Variants in GPN2 observed in about 807,000 individuals in gnomAD.
GPN2 encodes GPN-loop GTPase 2, also known as ATP-binding domain 1 family member B.
In GPN2, 27 loss-of-function variants were observed where a neutral mutation model predicts 30.1. The ratio of observed to expected loss-of-function variants is 0.90; its 90% confidence interval spans 0.66 to 1.24. The LOEUF is 1.24. GPN2 is among the 50% of genes most tolerant of loss of function. GPN2 has a pLI of 0.00. For missense variants in GPN2, 406 were observed against 405.4 expected (o/e 1.00, Z -0.01); for synonymous variants, 212 against 174.4 (o/e 1.22, Z -1.70).
At chr1:26,880,177 T>C (rs2081857326) in intron 4 of GPN2, among the ~76,000 whole-genome samples, 1 of 152,204 alleles carries the variant, frequency 6.6e-6, no homozygotes, top group African/African-American at 2.4e-5. Context: ...AAACCAAGGT[T>C]TGAACTGTTC....
In GPN2 at chr1:26,878,507, C is replaced by G. The variant is rs1333801541; in HGVS notation, c.*1170G>C. On this transcript the variant is annotated 3_prime_UTR_variant, in exon 5 of 5. Transcript: ENST00000374135. ...TGTTGGCCAGGCTGGTCTCGAACTC[C>G]TGACCTCAGGTGATCCGCCCGCCTC... 6.7e-6 allele frequency: 1 copy of G among 149,486 alleles called. No homozygotes were observed. The allele number at this position is 149,486 out of a possible 1,614,324, so 9.3% of individuals were successfully genotyped here.
At position 26,888,953 on chromosome 1, in the gene GPN2, G is replaced by A. The variant is rs756265016; in HGVS notation, c.568+16C>T. ...CAGCTGCTGCCCTGCTCTTCGCCTG[G>A]AACAGAAGCTCTTACCCAGCTTCCC... On this transcript the variant is annotated intron_variant, in intron 2 of 4. Coordinates refer to ENST00000374135, the MANE Select transcript of GPN2 (RefSeq NM_018066.4). 6.2e-7 allele frequency: 1 copy of A among 1,613,630 alleles called. No individual in the cohort carries two copies. Among genetic ancestry groups the A allele is most frequent in the Admixed American group, 1.7e-5 (1 of 60,026 alleles).
chr1:26,889,831 T>C lies in GPN2; in HGVS notation c.266A>G (p.Glu89Gly), dbSNP rs1026449805. 6.2e-7 allele frequency: 1 copy of C among 1,613,712 alleles called. No individual in the cohort carries two copies. Among genetic ancestry groups the C allele is most frequent in the Non-Finnish European group, 8.5e-7 (1 of 1,179,994 alleles). ...GGCACGCAGCCAGTCCAGGTTGGCT[T>C]CCAGGTACTCCATGCAGTAGAGCAG... ...GGLLYCMEYL[E>G]ANLDWLRAKL... The change falls in exon 1 of 5, where the codon GAA becomes GGA. Residue 89 changes from glutamate (E) to glycine (G), a missense_variant. Glu to Gly is a moderately conservative substitution (Grantham distance 98). Transcript: ENST00000374135.
intron 3 of GPN2, 75 bp from the exon 4 acceptor site, chr1:26,884,365 C>T: frequency 6.8e-7 from 1 of 1,465,098 alleles, no homozygotes; most frequent in Non-Finnish European, 9.2e-7. Flanking sequence ...TCTAAATACA[C>T]CTTCCTCCAT....
rs929622279 is a variant in GPN2 at position 26,876,462 on chromosome 1, C to G, written c.*3215G>C. ...TACACTCCTGACCTCAGGTGATCAG[C>G]CCGCCTTGGCCTCCCAAAGTGCTGG... On this transcript the variant is annotated 3_prime_UTR_variant, in exon 5 of 5. Transcript: ENST00000374135. 1 of 152,240 alleles carries G rather than the reference C, an allele frequency of 6.6e-6. No homozygotes were observed. Among genetic ancestry groups the G allele is most frequent in the African/African-American group, 2.4e-5 (1 of 41,460 alleles). The allele number at this position is 152,240 out of a possible 1,614,324, so 9.4% of individuals were successfully genotyped here.
In GPN2 at chr1:26,890,168, T is replaced by C; in HGVS notation, c.-72A>G. The C allele has an allele frequency of 2.3e-6, 3 of 1,318,784 alleles. No individual in the cohort carries two copies. The East Asian group carries it at 7.7e-5, about 34-fold the overall frequency. The allele number at this position is 1,318,784 out of a possible 1,614,324, so 81.7% of individuals were successfully genotyped here. ...CAGGTAGCCGCGCCGGAGACGAGAC[T>C]GAGGGCGAGGGTCCCAGTACGTATA... On this transcript the variant is annotated 5_prime_UTR_variant, in exon 1 of 5. Transcript: ENST00000374135.
intron 3 of GPN2, 120 bp downstream of exon 3, chr1:26,885,853 A>T: frequency 1.3e-6 from 1 of 752,270 alleles, no homozygotes; most frequent in Non-Finnish European, 2.3e-6. Flanking sequence ...TGCTAGGATT[A>T]GAGGCTTGAG....
chr1:26,888,514 G>C (rs998252691), intron 2 of GPN2, among the ~76,000 whole-genome samples: 3 of 152,168 alleles, frequency 2.0e-5, no homozygotes, highest in African/African-American at 7.2e-5. Flanking sequence ...ATTCCTACTA[G>C]TGCCTCTGCA....
chr1:26,884,435 G>T, intron 3 of GPN2, 145 bp from the exon 4 acceptor site: 1 of 722,312 alleles, frequency 1.4e-6, no homozygotes. Flanking sequence ...CCCAAAGGCT[G>T]GATAAATCTC....
chr1:26,880,193 A>G (rs1169577858), intron 4 of GPN2, among the ~76,000 whole-genome samples: 3 of 152,224 alleles, frequency 2.0e-5, no homozygotes, highest in Non-Finnish European at 4.4e-5. Flanking sequence ...TGTTCTTCCA[A>G]AACATCCCGG....
In GPN2 at chr1:26,882,370, T is replaced by TA. The variant is rs1206483294; in HGVS notation, c.860+1789dup. ...AGCAAAAGAAAGTCCATCTTAAATT[T>TA]AAAAAAAAAATTGCTCCTCCCCTCT... is the stretch of plus-strand genomic sequence containing the variant. On this transcript the variant is annotated intron_variant, in intron 4 of 4. Transcript: ENST00000374135. Among the ~76,000 whole-genome samples the TA allele has an allele frequency of 3.9e-4, 59 of 150,100 alleles. 1 individual carries two copies. The highest frequency in any genetic ancestry group is 2.1e-4 in the South Asian group (1 of 4,730).
rs927843539 is a variant in GPN2, at chr1:26,876,188, C to T, written c.*3489G>A. 3.3e-5 allele frequency: 5 copies of T among 151,494 alleles called. No homozygotes were observed. Among genetic ancestry groups the T allele is most frequent in the Non-Finnish European group, 7.4e-5 (5 of 67,942 alleles). 9.4% of individuals were successfully genotyped at this position (151,494 alleles called of 1,614,324 possible). On this transcript the variant is annotated 3_prime_UTR_variant, in exon 5 of 5. Coordinates refer to ENST00000374135, the MANE Select transcript of GPN2 (RefSeq NM_018066.4). ...AAACAGATGACCCCATAGAAAGTTT[C>T]CGTTATGGGATTCTGGGTGACTCAT...
At chr1:26,887,172 A>T (rs1303942590) in intron 2 of GPN2, among the ~76,000 whole-genome samples, 1 of 152,206 alleles carries the variant, frequency 6.6e-6, no homozygotes, top group African/African-American at 2.4e-5. Context: ...CTAGCAGGGT[A>T]GCCTCCTGGG....
rs1192613163 is a variant in GPN2, at chr1:26,879,621, C to T, written c.*56G>A. 7.5e-7 allele frequency: 1 copy of T among 1,328,608 alleles called. No homozygotes were observed. Among genetic ancestry groups the T allele is most frequent in the African/African-American group, 1.4e-5 (1 of 69,072 alleles). The allele number at this position is 1,328,608 out of a possible 1,614,324, so 82.3% of individuals were successfully genotyped here. ...TGGGTCTGCAGCCTGCATCAGGAGC[C>T]TCCACTTTCCCCAGTGCTGGATTAT... On this transcript the variant is annotated 3_prime_UTR_variant, in exon 5 of 5. Coordinates refer to ENST00000374135, the MANE Select transcript of GPN2 (RefSeq NM_018066.4).
chr1:26,888,700 G>A (rs2081903999), intron 2 of GPN2, among the ~76,000 whole-genome samples: 1 of 152,208 alleles, frequency 6.6e-6, no homozygotes, highest in African/African-American at 2.4e-5. Flanking sequence ...TTACTCCAAA[G>A]CTCACTCACT....
chr1:26,882,864 A>G (rs2081871346), intron 4 of GPN2, among the ~76,000 whole-genome samples: 2 of 152,188 alleles, frequency 1.3e-5, no homozygotes, highest in Admixed American at 6.5e-5. Context: ...CCATGTGACA[A>G]ACCTGCTCCC....
At position 26,879,722 on chromosome 1, in the gene GPN2, C is replaced by T; in HGVS notation, c.888G>A (p.Leu296=). Residue 296 remains leucine (L), a synonymous_variant, in exon 5 of 5, where the codon CTG becomes CTA. Coordinates refer to ENST00000374135, the MANE Select transcript of GPN2 (RefSeq NM_018066.4). ...GCTCCACTGACTGGTTCGAGGGTGCCAGGTACTTCTCCTGGATGCCCAGTG... is the reference window on the plus strand; with the variant it reads ...GCTCCACTGACTGGTTCGAGGGTGCTAGGTACTTCTCCTGGATGCCCAGTG... The part of the protein sequence containing the change: ...SSTLGIQEKY[L]APSNQSVEQE... 2 of 1,613,980 alleles carry T rather than the reference C, an allele frequency of 1.2e-6. No individual in the cohort carries two copies. The highest frequency in any genetic ancestry group is 2.2e-5 in the South Asian group (2 of 91,038).
chr1:26,889,904 C>G lies in GPN2; in HGVS notation c.193G>C (p.Gly65Arg). Residue 65 changes from glycine to arginine, a missense_variant, in exon 1 of 5, where the codon GGG becomes CGG. Coordinates refer to ENST00000374135, the MANE Select transcript of GPN2 (RefSeq NM_018066.4). ...AGCGCGTCCATCACGTCGCCCAGCC[C>G]CACCAGCTCGCCCACGTCCACGGCA... The part of the protein sequence containing the change: ...ECAVDVGELV[G>R]LGDVMDALRL... The G allele has an allele frequency of 1.2e-6, 2 of 1,610,728 alleles. No individual in the cohort carries two copies. Among genetic ancestry groups the G allele is most frequent in the Non-Finnish European group, 1.7e-6 (2 of 1,178,560 alleles).
rs1237408572 is a variant in GPN2 at position 26,878,554 on chromosome 1, T to TA, written c.*1122dup. The TA allele has an allele frequency of 1.3e-5, 2 of 152,030 alleles. No homozygotes were observed. The highest frequency in any genetic ancestry group is 4.8e-5 in the African/African-American group (2 of 41,382). 9.4% of individuals were successfully genotyped at this position (152,030 alleles called of 1,614,324 possible). On this transcript the variant is annotated 3_prime_UTR_variant, in exon 5 of 5. Coordinates refer to ENST00000374135, the MANE Select transcript of GPN2 (RefSeq NM_018066.4). ...CCTCAGCCTCCCAAAGTGCTGGGCT[T>TA]ACAGGCATGAGTGAACACGCCCAGC...
Sources: gnomAD v4.1 joint callset for allele counts (sites outside exome capture counted in the v4.1 genomes callset) on GRCh38, gnomAD v4.1.1 for gene constraint, MANE v1.5 for transcripts, NCBI Gene and HGNC (gene_info 2026-07-23, HGNC 2026-07-21) for gene names.